MAPK8IP3: variants seen among roughly 807,000 people sequenced by gnomAD.
MAPK8IP3 encodes mitogen-activated protein kinase 8 interacting protein 3.
MAPK8IP3 carries 49 observed loss-of-function variants against 157.8 expected under a neutral mutation model. That is an observed-to-expected ratio of 0.31 (90% CI 0.25 to 0.39). The LOEUF (loss-of-function observed/expected upper bound fraction) is 0.39. Ranked by LOEUF, MAPK8IP3 falls within the 10% of genes least tolerant of loss-of-function variation. The probability of loss-of-function intolerance (pLI) is 1.00; values close to 1 mark genes in which losing one functional copy is unlikely to be tolerated. For synonymous variants in MAPK8IP3, 897 were observed against 777.7 expected, an observed-to-expected ratio of 1.15 and a Z score of -2.55; for missense variants, 1,478 against 1,889.4, an observed-to-expected ratio of 0.78 and a Z score of 4.04.
At position 1,743,972 on chromosome 16, in the gene MAPK8IP3, G is replaced by T. The variant is rs984212399; in HGVS notation, c.747+496G>T. 18 of 1,000,160 alleles carry T rather than the reference G, an allele frequency of 1.8e-5. No individual in the cohort carries two copies. Among genetic ancestry groups the T allele is most frequent in the Non-Finnish European group, 1.9e-5 (16 of 839,820 alleles). 62.0% of individuals were successfully genotyped at this position (1,000,160 alleles called of 1,614,324 possible). On this transcript the variant is annotated intron_variant, in intron 5 of 31. Coordinates refer to ENST00000610761, the MANE Select transcript of MAPK8IP3 (RefSeq NM_001318852.2). The surrounding 1 kb of genome is among the most constrained non-coding windows in gnomAD (Gnocchi z 5.6). ...GCTCCTCTTCTCTGGGCCCCTCCCT[G>T]CCTGTCCCTGGTAACGCCTCCTGGG...
At chr16:1,763,038 G>A (rs2042045242) in intron 16 of MAPK8IP3, 32 bp downstream of exon 16, 5 of 1,611,028 alleles carry the variant, frequency 3.1e-6, no homozygotes, top group Non-Finnish European at 3.4e-6. Context: ...CTTGTGGCCT[G>A]CAATGGGGTT....
rs1172616152 is a variant in MAPK8IP3, at chr16:1,743,992, C to T, written c.747+516C>T. 6 of 996,950 alleles carry T rather than the reference C, an allele frequency of 6.0e-6. No homozygotes were observed. The highest frequency in any genetic ancestry group is 7.2e-6 in the Non-Finnish European group (6 of 837,718). The allele number at this position is 996,950 out of a possible 1,614,324, so 61.8% of individuals were successfully genotyped here. ...TCCCTGCCTGTCCCTGGTAACGCCT[C>T]CTGGGTCCTGAGTTTGAGAAAGCAG... On this transcript the variant is annotated intron_variant, in intron 5 of 31. Transcript: ENST00000610761. This position sits in a 1 kb window ranked among gnomAD's most constrained non-coding sequence, Gnocchi z 5.6.
chr16:1,716,339 T>C, intron 1 of MAPK8IP3, among the ~76,000 whole-genome samples: 1 of 147,188 alleles, frequency 6.8e-6, no homozygotes, highest in Non-Finnish European at 1.5e-5. Flanking sequence ...AGACAGAGTC[T>C]CCCTCTGTCA....
intron 4 of MAPK8IP3, among the ~76,000 whole-genome samples, chr16:1,735,792 CATGTGAGCATCT>C (rs2039701081): frequency 7.1e-6 from 1 of 141,308 alleles, no homozygotes; most frequent in Non-Finnish European, 1.5e-5. Flanking sequence ...TGTGACCGTC[CATGTGAGCATCT>C]GTGTGACCAT....
intron 4 of MAPK8IP3, among the ~76,000 whole-genome samples, chr16:1,736,804 G>GCATC (rs751707062): frequency 1.1e-4 from 6 of 56,702 alleles, no homozygotes; most frequent in Non-Finnish European, 1.2e-4. Context: ...GTCCGTGTGA[G>GCATC]CGTGTGACCG....
chr16:1,728,880 C>A (rs953192157), intron 2 of MAPK8IP3, among the ~76,000 whole-genome samples: 3 of 149,296 alleles, frequency 2.0e-5, no homozygotes, highest in African/African-American at 4.9e-5. Context: ...AGACGGCCTT[C>A]ACAGAGCTGA....
rs1267219293 is a variant in MAPK8IP3, at chr16:1,768,969, C to A, written c.*145C>A. 1.0e-6 allele frequency: 1 copy of A among 953,410 alleles called. No individual in the cohort carries two copies. The highest frequency in any genetic ancestry group is 1.6e-5 in the South Asian group (1 of 61,880). 59.1% of individuals were successfully genotyped at this position (953,410 alleles called of 1,614,324 possible). On this transcript the variant is annotated 3_prime_UTR_variant, in exon 32 of 32. Coordinates refer to ENST00000610761, the MANE Select transcript of MAPK8IP3 (RefSeq NM_001318852.2). The stretch of plus-strand genomic sequence containing the variant: ...TTTCACCTGAGTCTGGCCCCTCCAG[C>A]GGGCAGGGAGTGCGGGGATGCGGAT...
chr16:1,748,755 G>A, intron 8 of MAPK8IP3, 35 bp downstream of exon 8: 1 of 1,540,960 alleles, frequency 6.5e-7, no homozygotes, highest in Non-Finnish European at 9.0e-7. Flanking sequence ...CGCTGTGCCT[G>A]CACAATGCTG....
At chr16:1,727,006 TGTCATGTGCTGTGTGCGGCATCTGTGTGA>T (rs1214088554) in intron 2 of MAPK8IP3, among the ~76,000 whole-genome samples, 2 of 150,976 alleles carry the variant, frequency 1.3e-5, no homozygotes, top group East Asian at 3.9e-4. Flanking sequence ...AGCGTCTGTG[TGTCATGTGCTGTGTGCGGCATCTGTGTGA>T]GTCATGTGCT....
At chr16:1,725,404 G>A (rs1274446659) in intron 2 of MAPK8IP3, among the ~76,000 whole-genome samples, 1 of 150,848 alleles carries the variant, frequency 6.6e-6, no homozygotes, top group East Asian at 2.0e-4. Context: ...AAGGCGGGTG[G>A]ATCACCTGAG....
rs200350580 is a variant in MAPK8IP3 at position 1,767,675 on chromosome 16, G to A, written c.3349G>A (p.Ala1117Thr). The A allele has an allele frequency of 2.2e-5, 36 of 1,612,776 alleles. No individual in the cohort carries two copies. In the African/African-American group the frequency reaches 4.0e-4, roughly 18 times the overall value. Residue 1117 changes from alanine to threonine, a missense_variant, in exon 27 of 32, where the codon GCA (alanine) becomes ACA (threonine). By Grantham distance (58) the Ala-to-Thr change is moderately conservative (BLOSUM62 0). This residue lies in a region of MAPK8IP3 where 68 missense variants were observed against 125.1 expected (regional missense o/e 0.54). Transcript: ENST00000610761. ...RLDSTLRLYH[A>T]HTHQHLQDVD... ...GGACTCCACCCTGAGGCTCTACCATGCACACACGCACCAGCATCTACAGGA... is the reference window on the plus strand; with the variant it reads ...GGACTCCACCCTGAGGCTCTACCATACACACACGCACCAGCATCTACAGGA...
chr16:1,736,649 T>C (rs2039881529), intron 4 of MAPK8IP3, among the ~76,000 whole-genome samples: 1 of 73,858 alleles, frequency 1.4e-5, no homozygotes, highest in Non-Finnish European at 2.6e-5. Flanking sequence ...CGTGTGACCG[T>C]CCGTGTGAGC....
intron 4 of MAPK8IP3, among the ~76,000 whole-genome samples, chr16:1,736,251 ACTG>A (rs2039801868): frequency 1.5e-5 from 1 of 67,296 alleles, no homozygotes; most frequent in Non-Finnish European, 2.8e-5. Context: ...TGAGCGTGTG[ACTG>A]TCCGTGTGAG....
At chr16:1,763,485 GGC>G (rs1330493006) in intron 16 of MAPK8IP3, among the ~76,000 whole-genome samples, 170 bp from the exon 17 acceptor site, 4 of 151,950 alleles carry the variant, frequency 2.6e-5, no homozygotes, top group South Asian at 2.1e-4. Flanking sequence ...TTCCCAGCTG[GGC>G]ACCCAGTGCC....
chr16:1,747,572 G>A (rs193243923), intron 6 of MAPK8IP3, among the ~76,000 whole-genome samples: 5 of 152,304 alleles, frequency 3.3e-5, no homozygotes, highest in Non-Finnish European at 7.4e-5. Context: ...GAGCCACCAC[G>A]TGACCTCATT....
Position 1,710,221 on chromosome 16 carries a change from A to G in MAPK8IP3, c.318+3564A>G, listed in dbSNP as rs2037680041. ...TCCCACCTCAGCCTCCCAACATTTG[A>G]CATTGAACTCCTGACCTCCTCATCT... On this transcript the variant is annotated intron_variant, in intron 1 of 31. Transcript: ENST00000610761. This position sits in a 1 kb window ranked among gnomAD's most constrained non-coding sequence, Gnocchi z 4.1. Among the ~76,000 whole-genome samples, 1 of 151,208 alleles carries G rather than the reference A, an allele frequency of 6.6e-6. No homozygotes were observed. The highest frequency in any genetic ancestry group is 6.6e-5 in the Admixed American group (1 of 15,182).
intron 4 of MAPK8IP3, among the ~76,000 whole-genome samples, chr16:1,738,435 A>T (rs534017601): frequency 0.015 from 493 of 33,724 alleles, 22 homozygotes; most frequent in Middle Eastern, 0.068. Flanking sequence ...CGTGTGAGAG[A>T]GTGACCATCC....
In MAPK8IP3 at chr16:1,763,709, G is replaced by A. The variant is rs2042084817; in HGVS notation, c.1951G>A (p.Val651Met). 3 of 1,596,990 alleles carry A rather than the reference G, an allele frequency of 1.9e-6. No individual in the cohort carries two copies. Among genetic ancestry groups the A allele is most frequent in the Non-Finnish European group, 2.6e-6 (3 of 1,170,934 alleles). ...GCAGAAGCGCGAGCAGTACCGCCAG[G>A]TGCGTGAGCACGTGCGTAACGACGA... ...REQKREQYRQVREHVRNDDGR... is the reference protein window; with the variant it reads ...REQKREQYRQMREHVRNDDGR... The change falls in exon 17 of 32, where the codon GTG becomes ATG. Residue 651 changes from valine (V) to methionine (M), a missense_variant. By Grantham distance (21) the Val-to-Met change is conservative. Around this residue, in one of 11 missense-constraint regions of MAPK8IP3, gnomAD observed 669 missense variants for 759.8 expected, o/e 0.88. Transcript: ENST00000610761.
intron 17 of MAPK8IP3, 33 bp downstream of exon 17, chr16:1,763,816 C>A: frequency 7.1e-7 from 1 of 1,400,456 alleles, no homozygotes; most frequent in Middle Eastern, 2.3e-4. Context: ...CCGGGCGGGG[C>A]CCCGCAGAGG....
Sources: gnomAD v4.1 joint callset for allele counts (sites outside exome capture counted in the v4.1 genomes callset) on GRCh38, gnomAD v4.1.1 for gene constraint, gnomAD v4.1.1 regional missense constraint, Gnocchi (gnomAD v3.1) non-coding constraint, MANE v1.5 for transcripts, NCBI Gene and HGNC (gene_info 2026-07-23, HGNC 2026-07-21) for gene names.